Variants in ST3GAL4 observed in about 807,000 individuals in gnomAD.
The protein encoded by ST3GAL4 is ST3 beta-galactoside alpha-2,3-sialyltransferase 4, also known as CMP-N-acetylneuraminate-beta-galactosamide-alpha-2,3-sialyltransferase 4.
A neutral mutation model predicts 42.6 loss-of-function variants in ST3GAL4; 24 were observed. That is an observed-to-expected ratio of 0.56 (90% CI 0.41 to 0.79). The LOEUF is 0.79. Among genes scored for constraint, ST3GAL4 ranks in the 30% least tolerant of loss-of-function variants. The pLI is 0.00. For synonymous variants in ST3GAL4, 135 were observed against 163.2 expected, an observed-to-expected ratio of 0.83 and a Z score of 1.32; for missense variants, 311 against 430.8, an observed-to-expected ratio of 0.72 and a Z score of 2.46.
rs925271090 is a variant in ST3GAL4 at position 126,392,737 on chromosome 11, C to T, written c.-60-13359C>T. ...CTGGGAGTGCGTGGTCTAATTGGTA[C>T]TTGGGACAGTGTGGTTTAACTGCCA... On this transcript the variant is annotated intron_variant, in intron 1 of 10. Coordinates refer to ENST00000444328, the MANE Select transcript of ST3GAL4 (RefSeq NM_001254757.2). This position sits in a 1 kb window ranked among gnomAD's most constrained non-coding sequence, Gnocchi z 5.8. 6.6e-6 allele frequency among the ~76,000 whole-genome samples: 1 copy of T among 152,144 alleles called. No individual in the cohort carries two copies. Among genetic ancestry groups the T allele is most frequent in the Non-Finnish European group, 1.5e-5 (1 of 68,030 alleles).
rs1438908928 is a variant in ST3GAL4, at chr11:126,393,522, T to C, written c.-60-12574T>C. On this transcript the variant is annotated intron_variant, in intron 1 of 10. Coordinates refer to ENST00000444328, the MANE Select transcript of ST3GAL4 (RefSeq NM_001254757.2). This position sits in a 1 kb window ranked among gnomAD's most constrained non-coding sequence, Gnocchi z 5.9. ...AGGTCTTTTTGACTTTGATGTGCTT[T>C]GACTGCACATCAGAGTCAAACGAGT... Among the ~76,000 whole-genome samples the C allele has an allele frequency of 6.6e-6, 1 of 152,172 alleles. No homozygotes were observed. The highest frequency in any genetic ancestry group is 1.5e-5 in the Non-Finnish European group (1 of 68,024).
rs1229197294 is a variant in ST3GAL4 at position 126,363,183 on chromosome 11, C to T, written c.-61+7341C>T. ...GGCAGTGTGGGCCGTTTCTCTAGAC[C>T]TCCTGCCCCCATCTCCTTCCTGTCC... On this transcript the variant is annotated intron_variant, in intron 1 of 10. Coordinates refer to ENST00000444328, the MANE Select transcript of ST3GAL4 (RefSeq NM_001254757.2). This position sits in a 1 kb window ranked among gnomAD's most constrained non-coding sequence, Gnocchi z 4.6. Among the ~76,000 whole-genome samples the T allele has an allele frequency of 1.3e-5, 2 of 152,176 alleles. No homozygotes were observed.
At position 126,373,596 on chromosome 11, in the gene ST3GAL4, G is replaced by A. The variant is rs1025999792; in HGVS notation, c.-61+17754G>A. Among the ~76,000 whole-genome samples, 1 of 152,178 alleles carries A rather than the reference G, an allele frequency of 6.6e-6. No individual in the cohort carries two copies. Among genetic ancestry groups the A allele is most frequent in the African/African-American group, 2.4e-5 (1 of 41,436 alleles). On this transcript the variant is annotated intron_variant, in intron 1 of 10. Coordinates refer to ENST00000444328, the MANE Select transcript of ST3GAL4 (RefSeq NM_001254757.2). The surrounding 1 kb of genome is among the most constrained non-coding windows in gnomAD (Gnocchi z 5.5). ...TCTATACAGGAGTCTGCAGTGCCAG[G>A]CTGCAGGGGCGGACGGGAGGGGGTC...
rs1401465500 is a variant in ST3GAL4, at chr11:126,373,853, A to G, written c.-61+18011A>G. Among the ~76,000 whole-genome samples, 1 of 152,034 alleles carries G rather than the reference A, an allele frequency of 6.6e-6. No individual in the cohort carries two copies. Among genetic ancestry groups the G allele is most frequent in the African/African-American group, 2.4e-5 (1 of 41,380 alleles). On this transcript the variant is annotated intron_variant, in intron 1 of 10. Transcript: ENST00000444328. This position sits in a 1 kb window ranked among gnomAD's most constrained non-coding sequence, Gnocchi z 5.5. ...CAGGCGTGCTGTGATCACAGTGTTC[A>G]ATGATGGGGTGAGGCTGCAGCGTCC...
At chr11:126,408,577 C>A in intron 8 of ST3GAL4, 81 bp downstream of exon 8, 2 of 1,512,336 alleles carry the variant, frequency 1.3e-6, no homozygotes, top group Non-Finnish European at 9.0e-7. Flanking sequence ...CCTTGATGTC[C>A]GCCTGGCAGT....
At chr11:126,361,524 T>G (rs1411116072) in intron 1 of ST3GAL4, among the ~76,000 whole-genome samples, 1 of 152,136 alleles carries the variant, frequency 6.6e-6, no homozygotes, top group African/African-American at 2.4e-5. Context: ...CTTGCTAGAC[T>G]GCAAATGTCC....
chr11:126,390,563 A>T (rs1191529862), intron 1 of ST3GAL4, among the ~76,000 whole-genome samples: 1 of 147,836 alleles, frequency 6.8e-6, no homozygotes, highest in Non-Finnish European at 1.5e-5. Flanking sequence ...GCATCTTTTC[A>T]TATGTCCACC....
Position 126,409,190 on chromosome 11 carries a change from G to C in ST3GAL4, c.628-78G>C, listed in dbSNP as rs1344368274. ...GCCATCGCTTGGACCCCCTCGCCTC[G>C]CTGAGGACCACTGGGTTGGATTTGA... is the stretch of plus-strand genomic sequence containing the variant. On this transcript the variant is annotated intron_variant, in intron 8 of 10. Coordinates refer to ENST00000444328, the MANE Select transcript of ST3GAL4 (RefSeq NM_001254757.2). This position sits in a 1 kb window ranked among gnomAD's most constrained non-coding sequence, Gnocchi z 4.9. 2 of 1,574,938 alleles carry C rather than the reference G, an allele frequency of 1.3e-6. No homozygotes were observed. Among genetic ancestry groups the C allele is most frequent in the Non-Finnish European group, 1.7e-6 (2 of 1,153,838 alleles).
rs111958228 is a variant in ST3GAL4 at position 126,391,936 on chromosome 11, CGTGT to C, written c.-60-14127_-60-14124del. ...CTCAGAACACCTGTGATAACTTGGT[CGTGT>C]GTGTGTGTGTGTGTGTGTGTGTGTG... On this transcript the variant is annotated intron_variant, in intron 1 of 10. Coordinates refer to ENST00000444328, the MANE Select transcript of ST3GAL4 (RefSeq NM_001254757.2). The surrounding 1 kb of genome is among the most constrained non-coding windows in gnomAD (Gnocchi z 5.5). Among the ~76,000 whole-genome samples the C allele has an allele frequency of 0.022, 3,158 of 144,436 alleles. 58 individuals are homozygous for C. The highest frequency in any genetic ancestry group is 0.03 in the Non-Finnish European group (1,978 of 66,114). The allele number at this position is 144,436 out of a possible 152,430, so 94.8% of individuals were successfully genotyped here. A position where few individuals can be genotyped will look rare whatever the true frequency, so the allele number is the denominator to read the frequency against.
At position 126,406,114 on chromosome 11, in the gene ST3GAL4, G is replaced by T. The variant is rs1331629293; in HGVS notation, c.-42G>T. ...TTCCTAGGTGGCCCGAGGCAGCCGG[G>T]ATGACAGCTCTCCCCAGGAATCCTG... is the stretch of plus-strand genomic sequence containing the variant. On this transcript the variant is annotated 5_prime_UTR_variant, in exon 2 of 11. Transcript: ENST00000444328. The surrounding 1 kb of genome is among the most constrained non-coding windows in gnomAD (Gnocchi z 5.4). The T allele has an allele frequency of 4.5e-6, 7 of 1,551,906 alleles. No individual in the cohort carries two copies. Among genetic ancestry groups the T allele is most frequent in the Non-Finnish European group, 6.1e-6 (7 of 1,147,180 alleles).
intron 1 of ST3GAL4, among the ~76,000 whole-genome samples, chr11:126,367,687 G>A (rs1261949000): frequency 6.6e-6 from 1 of 152,204 alleles, no homozygotes; most frequent in South Asian, 2.1e-4. Context: ...TGCATAGAGT[G>A]TAGGGATTAA....
At chr11:126,365,344 G>GGGA (rs1336576537) in intron 1 of ST3GAL4, among the ~76,000 whole-genome samples, 3 of 151,866 alleles carry the variant, frequency 2.0e-5, no homozygotes, top group Admixed American at 1.3e-4. Flanking sequence ...CCTCAGGGCT[G>GGGA]GGAGGAGGAG....
Position 126,363,376 on chromosome 11 carries a change from T to G in ST3GAL4, c.-61+7534T>G, listed in dbSNP as rs921997398. Among the ~76,000 whole-genome samples, 6 of 152,180 alleles carry G rather than the reference T, an allele frequency of 3.9e-5. No individual in the cohort carries two copies. In the East Asian group the frequency reaches 1.2e-3, roughly 29 times the overall value. The stretch of plus-strand genomic sequence containing the variant: ...TGCCTTTTTTCTCCAGCCTCAGCAT[T>G]CAGGTTGTCCTCATAGTGGAACTGG... On this transcript the variant is annotated intron_variant, in intron 1 of 10. Coordinates refer to ENST00000444328, the MANE Select transcript of ST3GAL4 (RefSeq NM_001254757.2). This position sits in a 1 kb window ranked among gnomAD's most constrained non-coding sequence, Gnocchi z 4.6.
chr11:126,413,918 T>C (rs1954635681), intron 10 of ST3GAL4, 43 bp from the exon 11 acceptor site: 1 of 1,606,444 alleles, frequency 6.2e-7, no homozygotes, highest in African/African-American at 1.3e-5. Context: ...GACAGAGAGG[T>C]CCCTGGGAGT....
chr11:126,397,028 A>G lies in ST3GAL4; in HGVS notation c.-60-9068A>G, dbSNP rs535227060. 3.3e-5 allele frequency among the ~76,000 whole-genome samples: 5 copies of G among 152,200 alleles called. No individual in the cohort carries two copies. In the East Asian group the frequency reaches 7.7e-4, roughly 23 times the overall value. Reference sequence around the variant, plus strand: ...GCCAGAGATGGCTGCTAAACACCCCATAATACACAAGACAGACCCCGCAAC... The same window carrying G: ...GCCAGAGATGGCTGCTAAACACCCCGTAATACACAAGACAGACCCCGCAAC... On this transcript the variant is annotated intron_variant, in intron 1 of 10. Transcript: ENST00000444328. This position sits in a 1 kb window ranked among gnomAD's most constrained non-coding sequence, Gnocchi z 5.0.
intron 1 of ST3GAL4, among the ~76,000 whole-genome samples, chr11:126,385,101 C>T (rs140859237): frequency 9.2e-5 from 14 of 151,980 alleles, no homozygotes; most frequent in African/African-American, 2.9e-4. Context: ...ATTTAAAAGA[C>T]GAGGACTCTG....
Position 126,384,741 on chromosome 11 carries a change from G to T in ST3GAL4, c.-60-21355G>T. 1 of 985,416 alleles carries T rather than the reference G, an allele frequency of 1.0e-6. No individual in the cohort carries two copies. The highest frequency in any genetic ancestry group is 1.2e-6 in the Non-Finnish European group (1 of 829,926). 61.0% of individuals were successfully genotyped at this position (985,416 alleles called of 1,614,324 possible). On this transcript the variant is annotated intron_variant, in intron 1 of 10. Coordinates refer to ENST00000444328, the MANE Select transcript of ST3GAL4 (RefSeq NM_001254757.2). The surrounding 1 kb of genome is among the most constrained non-coding windows in gnomAD (Gnocchi z 5.5). The stretch of plus-strand genomic sequence containing the variant: ...CACCCCAGCAGCATCTCCTGAGGCT[G>T]GGCCATGGGTGAATCTGAGTCGAGG...
At chr11:126,402,353 GGCT>G (rs1277899080) in intron 1 of ST3GAL4, among the ~76,000 whole-genome samples, 5 of 151,860 alleles carry the variant, frequency 3.3e-5, no homozygotes, top group Non-Finnish European at 7.4e-5. Context: ...CTACTCAGGA[GGCT>G]GAGGCACGAG....
In ST3GAL4 at chr11:126,359,458, A is replaced by G. The variant is rs1159070794; in HGVS notation, c.-61+3616A>G. On this transcript the variant is annotated intron_variant, in intron 1 of 10. Coordinates refer to ENST00000444328, the MANE Select transcript of ST3GAL4 (RefSeq NM_001254757.2). The surrounding 1 kb of genome is among the most constrained non-coding windows in gnomAD (Gnocchi z 4.8). ...CGTAAGCAGCTGAGCTAGGACTCAAATCCAGGCTTGCTTCCAAAACCTTCA... is the reference window on the plus strand; with the variant it reads ...CGTAAGCAGCTGAGCTAGGACTCAAGTCCAGGCTTGCTTCCAAAACCTTCA... 6.6e-6 allele frequency among the ~76,000 whole-genome samples: 1 copy of G among 152,168 alleles called. No homozygotes were observed. Among genetic ancestry groups the G allele is most frequent in the Non-Finnish European group, 1.5e-5 (1 of 68,016 alleles).
Sources: gnomAD v4.1 joint callset for allele counts (sites outside exome capture counted in the v4.1 genomes callset) on GRCh38, gnomAD v4.1.1 for gene constraint, Gnocchi (gnomAD v3.1) non-coding constraint, MANE v1.5 for transcripts, NCBI Gene and HGNC (gene_info 2026-07-23, HGNC 2026-07-21) for gene names.